Variants in ZNF483 observed in about 807,000 individuals in gnomAD.
ZNF483 encodes zinc finger protein 483, also known as zinc finger protein HIT-10.
ZNF483 carries 9 observed loss-of-function variants against 28.6 expected under a neutral mutation model. The observed-to-expected ratio is 0.32, with a 90% CI of 0.19 to 0.55. The LOEUF is 0.55. Ranked by LOEUF, ZNF483 falls within the 20% of genes least tolerant of loss-of-function variation. The pLI is 0.93. For missense variants in ZNF483, 675 were observed against 871.7 expected, an observed-to-expected ratio of 0.77 and a Z score of 2.84; for synonymous variants, 322 against 306.2, an observed-to-expected ratio of 1.05 and a Z score of -0.54.
chr9:111,557,571 G>A (rs1303068686), downstream of ZNF483, among the ~76,000 whole-genome samples: 1 of 151,532 alleles, frequency 6.6e-6, no homozygotes, highest in Non-Finnish European at 1.5e-5. Context: ...TCAGCCTCCC[G>A]AGTGGCTGTG....
chr9:111,556,505 G>A (rs190615092), downstream of ZNF483, among the ~76,000 whole-genome samples: 44 of 152,342 alleles, frequency 2.9e-4, no homozygotes, highest in Middle Eastern at 3.4e-3. Flanking sequence ...CTTCTGCCTT[G>A]ACATCCAGGC....
At chr9:111,560,656 AAAAG>A (rs1321030613) in intron 5 of ZNF483, among the ~76,000 whole-genome samples, 6 of 147,208 alleles carry the variant, frequency 4.1e-5, no homozygotes, top group Admixed American at 1.4e-4. Context: ...AAAAAAAAAA[AAAAG>A]GCACCACGCA....
chr9:111,528,616 G>A (rs1344441675), intron 2 of ZNF483, among the ~76,000 whole-genome samples: 1 of 151,950 alleles, frequency 6.6e-6, no homozygotes, highest in Non-Finnish European at 1.5e-5. Flanking sequence ...CAAATATTTG[G>A]AATATTTGTA....
chr9:111,552,375 C>T lies in ZNF483; in HGVS notation c.*9205C>T, dbSNP rs1387219836. ...AATTATAACACATGTATCCGTGACT[C>T]GTTTCTTGGAGTCTGCTTCAGAAAA... is the stretch of plus-strand genomic sequence containing the variant. On this transcript the variant is annotated 3_prime_UTR_variant, in exon 6 of 6. Transcript: ENST00000309235. Among the ~76,000 whole-genome samples the T allele has an allele frequency of 2.6e-5, 4 of 151,976 alleles. No individual in the cohort carries two copies. The highest frequency in any genetic ancestry group is 9.7e-5 in the African/African-American group (4 of 41,378).
In ZNF483 at chr9:111,543,209, A is replaced by G. The variant is rs377732434; in HGVS notation, c.*39A>G. On this transcript the variant is annotated 3_prime_UTR_variant, in exon 6 of 6. Transcript: ENST00000309235. Reference sequence around the variant, plus strand: ...TTAAAGTGGGGGGAATTTAATTCAAATTGTCAGTTACTGAAACCCTGGGAT... The same window carrying G: ...TTAAAGTGGGGGGAATTTAATTCAAGTTGTCAGTTACTGAAACCCTGGGAT... 1.9e-5 allele frequency: 29 copies of G among 1,545,660 alleles called. No individual in the cohort carries two copies. Among genetic ancestry groups the G allele is most frequent in the Admixed American group, 5.9e-5 (3 of 51,172 alleles).
At chr9:111,576,085 G>A (rs914510494) in intron 5 of ZNF483, among the ~76,000 whole-genome samples, 4 of 151,928 alleles carry the variant, frequency 2.6e-5, no homozygotes, top group African/African-American at 9.7e-5. Context: ...GCTTGAACCT[G>A]GGAGGTCAAG....
rs1827831850 is a variant in ZNF483 at position 111,547,424 on chromosome 9, T to G, written c.*4254T>G. On this transcript the variant is annotated 3_prime_UTR_variant, in exon 6 of 6. Transcript: ENST00000309235. Reference sequence around the variant, plus strand: ...TGTTAACTGTCTTTTTATGTGCTTATTGACCATTTGTATCTCTTCTTTGGA... The same window carrying G: ...TGTTAACTGTCTTTTTATGTGCTTAGTGACCATTTGTATCTCTTCTTTGGA... 6.6e-6 allele frequency among the ~76,000 whole-genome samples: 1 copy of G among 152,216 alleles called. No individual in the cohort carries two copies. Among genetic ancestry groups the G allele is most frequent in the Admixed American group, 6.5e-5 (1 of 15,282 alleles).
At chr9:111,535,273 T>G (rs896032521) in intron 5 of ZNF483, among the ~76,000 whole-genome samples, 10 of 152,208 alleles carry the variant, frequency 6.6e-5, no homozygotes, top group African/African-American at 2.4e-4. Context: ...CTAGAGGACG[T>G]ATCGAAACAA....
At chr9:111,555,788 C>G (rs1008047034), downstream of ZNF483, among the ~76,000 whole-genome samples, 4 of 152,328 alleles carry the variant, frequency 2.6e-5, no homozygotes, top group African/African-American at 7.2e-5. Context: ...CACCAGGTCC[C>G]TCCTGCAGCA....
In ZNF483 at chr9:111,542,678, T is replaced by C; in HGVS notation, c.1743T>C (p.Cys581=). 1 of 1,614,134 alleles carries C rather than the reference T, an allele frequency of 6.2e-7. No homozygotes were observed. ...ATACTGGAGAGAAACCCTATAAATG[T>C]GGCGAATGTGGAAAAGCCTTTAGGC... The part of the protein sequence containing the change: ...RIHTGEKPYK[C]GECGKAFRQN... The change falls in exon 6 of 6, where the codon TGT becomes TGC. Residue 581 remains cysteine (C), a synonymous_variant. Transcript: ENST00000309235. The surrounding 1 kb of genome is among the most constrained non-coding windows in gnomAD (Gnocchi z 6.2).
downstream of ZNF483, among the ~76,000 whole-genome samples, chr9:111,556,922 C>T (rs965101400): frequency 1.4e-4 from 21 of 152,178 alleles, no homozygotes; most frequent in Admixed American, 9.2e-4. Flanking sequence ...GTGGCTGGAG[C>T]TGGAGTGGCC....
In ZNF483 at chr9:111,547,499, G is replaced by A. The variant is rs535038139; in HGVS notation, c.*4329G>A. On this transcript the variant is annotated 3_prime_UTR_variant, in exon 6 of 6. Coordinates refer to ENST00000309235, the MANE Select transcript of ZNF483 (RefSeq NM_133464.5). ...CCATTTTTTAATTGGTTTTGTTGGC[G>A]TTGTTGTTTAGTTGTAGAAGTTCTT... Among the ~76,000 whole-genome samples, 57 of 143,816 alleles carry A rather than the reference G, an allele frequency of 4.0e-4. No individual in the cohort carries two copies. Among genetic ancestry groups the A allele is most frequent in the African/African-American group, 1.5e-3 (52 of 33,876 alleles). The allele number at this position is 143,816 out of a possible 152,430, so 94.3% of individuals were successfully genotyped here.
Position 111,544,115 on chromosome 9 carries a change from C to G in ZNF483, c.*945C>G. On this transcript the variant is annotated 3_prime_UTR_variant, in exon 6 of 6. Coordinates refer to ENST00000309235, the MANE Select transcript of ZNF483 (RefSeq NM_133464.5). Reference sequence around the variant, plus strand: ...CCAACAGGACTGAGAAGCCAGAGAGCTTGCACCTGAGCCATCTCAGCCGTG... The same window carrying G: ...CCAACAGGACTGAGAAGCCAGAGAGGTTGCACCTGAGCCATCTCAGCCGTG... The G allele has an allele frequency of 1.0e-6, 1 of 985,432 alleles. No individual in the cohort carries two copies. Among genetic ancestry groups the G allele is most frequent in the Non-Finnish European group, 1.2e-6 (1 of 829,962 alleles). The allele number at this position is 985,432 out of a possible 1,614,324, so 61.0% of individuals were successfully genotyped here.
intron 5 of ZNF483, among the ~76,000 whole-genome samples, chr9:111,567,337 G>T (rs905353296): frequency 2.0e-5 from 3 of 152,088 alleles, no homozygotes; most frequent in Admixed American, 2.0e-4. Context: ...ATAGGTGCAC[G>T]CCACCATGCC....
At chr9:111,563,464 G>C (rs1315825264) in intron 5 of ZNF483, 1 of 391,484 alleles carries the variant, frequency 2.6e-6, no homozygotes, top group Non-Finnish European at 4.5e-6. Flanking sequence ...TCGGATCATA[G>C]TGCGAAATGT....
In ZNF483 at chr9:111,570,142, T is replaced by C. The variant is rs138345034; in HGVS notation, c.722-6223T>C. On this transcript the variant is annotated intron_variant, in intron 5 of 5. Transcript: ENST00000358151. ...TCAGAGCTTTTTGGCGGGCATCTCC[T>C]TGCCAGCGGTAGACGACAAAAGCTT... The C allele has an allele frequency of 4.3e-6, 7 of 1,613,990 alleles. No homozygotes were observed. The African/African-American group carries it at 9.3e-5, about 22-fold the overall frequency.
chr9:111,529,560 G>C (rs553982438), intron 2 of ZNF483, among the ~76,000 whole-genome samples: 41 of 152,328 alleles, frequency 2.7e-4, no homozygotes, highest in African/African-American at 9.4e-4. Context: ...CAACTCTTGA[G>C]CAAGGCTTTG....
chr9:111,537,087 A>G (rs2132242785), intron 5 of ZNF483, among the ~76,000 whole-genome samples: 1 of 152,308 alleles, frequency 6.6e-6, no homozygotes, highest in South Asian at 2.1e-4. Context: ...TATGGGTCCC[A>G]TGATGTTATT....
Position 111,545,395 on chromosome 9 carries a change from A to T in ZNF483, c.*2225A>T, listed in dbSNP as rs1312429791. On this transcript the variant is annotated 3_prime_UTR_variant, in exon 6 of 6. Coordinates refer to ENST00000309235, the MANE Select transcript of ZNF483 (RefSeq NM_133464.5). ...ATCCCAGTATCCATTGGGAATCTGG[A>T]GTATAAACTTTTTTTTTAAAGGAAT... 6.6e-6 allele frequency among the ~76,000 whole-genome samples: 1 copy of T among 152,180 alleles called. No homozygotes were observed. The highest frequency in any genetic ancestry group is 6.6e-5 in the Admixed American group (1 of 15,264).
Sources: gnomAD v4.1 joint callset for allele counts (sites outside exome capture counted in the v4.1 genomes callset) on GRCh38, gnomAD v4.1.1 for gene constraint, Gnocchi (gnomAD v3.1) non-coding constraint, MANE v1.5 for transcripts, NCBI Gene and HGNC (gene_info 2026-07-23, HGNC 2026-07-21) for gene names.